TESC: variants seen among roughly 807,000 people sequenced by gnomAD.
TESC encodes calcineurin B homologous protein 3.
TESC carries 19 observed loss-of-function variants against 31.0 expected under a neutral mutation model. The observed-to-expected ratio is 0.61, with a 90% CI of 0.43 to 0.90. The LOEUF (loss-of-function observed/expected upper bound fraction) is 0.90, where lower values mean the gene tolerates loss of function less well. Among genes scored for constraint, TESC ranks in the 40% least tolerant of loss-of-function variants. The probability of loss-of-function intolerance (pLI) is 0.00; values close to 1 mark genes in which losing one functional copy is unlikely to be tolerated. For synonymous variants in TESC, 109 were observed against 114.8 expected, an observed-to-expected ratio of 0.95 and a Z score of 0.32; for missense variants, 248 against 303.8, an observed-to-expected ratio of 0.82 and a Z score of 1.36.
intron 1 of TESC, among the ~76,000 whole-genome samples, chr12:117,084,805 AC>A (rs1238418642): frequency 2.0e-5 from 3 of 152,110 alleles, no homozygotes; most frequent in Admixed American, 1.3e-4. Flanking sequence ...TAGTCCCAGG[AC>A]CCAGATGAGG....
rs556681996 is a variant in TESC at position 117,084,940 on chromosome 12, C to T, written c.59-9600G>A. On this transcript the variant is annotated intron_variant, in intron 1 of 7. Transcript: ENST00000335209. ...TGGCCCTCTGAGCACCTCTGGTTTG[C>T]TAGGTGCTTGCTAGAGGCCAGGAAA... Among the ~76,000 whole-genome samples the T allele has an allele frequency of 5.8e-4, 88 of 152,340 alleles. 1 individual carries two copies. The highest frequency in any genetic ancestry group is 6.8e-3 in the Middle Eastern group (2 of 294).
intron 1 of TESC, among the ~76,000 whole-genome samples, chr12:117,093,309 C>T (rs1955340615): frequency 6.6e-6 from 1 of 152,254 alleles, no homozygotes; most frequent in Admixed American, 6.5e-5. Context: ...GGGGCGAGAA[C>T]GCAGTGGAGA....
At chr12:117,087,737 G>C (rs1219342980) in intron 1 of TESC, among the ~76,000 whole-genome samples, 1 of 152,208 alleles carries the variant, frequency 6.6e-6, no homozygotes, top group African/African-American at 2.4e-5. Flanking sequence ...CAGCTACTTG[G>C]GAGGCTGAGG....
At position 117,077,439 on chromosome 12, in the gene TESC, C is replaced by T. The variant is rs562046333; in HGVS notation, c.59-2099G>A. Among the ~76,000 whole-genome samples, 47 of 152,360 alleles carry T rather than the reference C, an allele frequency of 3.1e-4. No homozygotes were observed. The South Asian group carries it at 9.5e-3, about 31-fold the overall frequency. ...CACTCCTAGGTATATACACAAATAA[C>T]GCATACTTCTGTTCACCCAAGCATG... On this transcript the variant is annotated intron_variant, in intron 1 of 7. Coordinates refer to ENST00000335209, the MANE Select transcript of TESC (RefSeq NM_017899.4).
chr12:117,046,750 C>A, intron 5 of TESC, 27 bp downstream of exon 5: 2 of 1,556,566 alleles, frequency 1.3e-6, no homozygotes, highest in African/African-American at 2.7e-5. Context: ...CCAGGAGCCC[C>A]GGGCGGGCCA....
chr12:117,085,339 T>C (rs751033870), intron 1 of TESC, among the ~76,000 whole-genome samples: 11 of 152,128 alleles, frequency 7.2e-5, no homozygotes, highest in Non-Finnish European at 1.2e-4. Flanking sequence ...GAACGAGATC[T>C]GAAGTGCCCG....
chr12:117,062,746 T>C (rs1304046566), intron 2 of TESC, among the ~76,000 whole-genome samples: 1 of 152,240 alleles, frequency 6.6e-6, no homozygotes, highest in African/African-American at 2.4e-5. Flanking sequence ...TCATGCTCCA[T>C]CAATACTCGT....
At chr12:117,056,320 G>C (rs1211033672) in intron 3 of TESC, among the ~76,000 whole-genome samples, 2 of 142,212 alleles carry the variant, frequency 1.4e-5, no homozygotes, top group Admixed American at 1.4e-4. Flanking sequence ...GCCTCCCAAA[G>C]TGCTGGGATT....
intron 3 of TESC, among the ~76,000 whole-genome samples, chr12:117,050,953 T>C (rs982013677): frequency 1.3e-5 from 2 of 152,206 alleles, no homozygotes; most frequent in Admixed American, 6.5e-5. Flanking sequence ...AGCCTGGAGA[T>C]GACTCCAAAC....
rs545121484 is a variant in TESC, at chr12:117,060,546, C to T, written c.129-3660G>A. On this transcript the variant is annotated intron_variant, in intron 2 of 7. Coordinates refer to ENST00000335209, the MANE Select transcript of TESC (RefSeq NM_017899.4). ...TCAGGGTTACCAGGGAGATGATCTA[C>T]GAAATCACGATCGGATGACAATGAC... 5.3e-5 allele frequency among the ~76,000 whole-genome samples: 8 copies of T among 152,272 alleles called. No homozygotes were observed. The South Asian group carries it at 1.5e-3, about 28-fold the overall frequency.
intron 1 of TESC, among the ~76,000 whole-genome samples, chr12:117,093,640 T>C (rs1955345688): frequency 6.6e-6 from 1 of 152,208 alleles, no homozygotes; most frequent in African/African-American, 2.4e-5. Context: ...ATCTGTAAAA[T>C]GGGAAACCAA....
rs575473155 is a variant in TESC, at chr12:117,058,465, C to T, written c.129-1579G>A. On this transcript the variant is annotated intron_variant, in intron 2 of 7. Coordinates refer to ENST00000335209, the MANE Select transcript of TESC (RefSeq NM_017899.4). ...GATGAATATGTTCTAATATTGACTG[C>T]AGTGCTGGATGCAGAACTCTGTACA... 6.0e-5 allele frequency among the ~76,000 whole-genome samples: 9 copies of T among 150,484 alleles called. No homozygotes were observed. In the East Asian group the frequency reaches 1.4e-3, roughly 23 times the overall value.
chr12:117,048,980 C>T, intron 4 of TESC, 39 bp downstream of exon 4: 1 of 1,613,596 alleles, frequency 6.2e-7, no homozygotes, highest in Non-Finnish European at 8.5e-7. Flanking sequence ...AGGCTGCACC[C>T]CAGGCCAGGT....
intron 2 of TESC, among the ~76,000 whole-genome samples, chr12:117,057,892 T>G (rs1044765928): frequency 6.6e-6 from 1 of 152,072 alleles, no homozygotes; most frequent in African/African-American, 2.4e-5. Flanking sequence ...CAAGTACTGA[T>G]AGATGCTACA....
At chr12:117,057,891 A>G (rs1954748041) in intron 2 of TESC, among the ~76,000 whole-genome samples, 1 of 152,172 alleles carries the variant, frequency 6.6e-6, no homozygotes, top group Non-Finnish European at 1.5e-5. Flanking sequence ...CCAAGTACTG[A>G]TAGATGCTAC....
rs543223333 is a variant in TESC at position 117,038,936 on chromosome 12, C to CTT, written c.*195_*196dup. On this transcript the variant is annotated 3_prime_UTR_variant, in exon 8 of 8. Coordinates refer to ENST00000335209, the MANE Select transcript of TESC (RefSeq NM_017899.4). ...ACAGAGGCCACATTAATTAACAAACCTTTTTTTTTTTTTTATTGGAGATAA... is the reference window on the plus strand; with the variant it reads ...ACAGAGGCCACATTAATTAACAAACCTTTTTTTTTTTTTTTTATTGGAGATAA... The CTT allele has an allele frequency of 8.7e-4, 415 of 479,234 alleles. No homozygotes were observed. Among genetic ancestry groups the CTT allele is most frequent in the South Asian group, 2.0e-3 (54 of 27,194 alleles). 29.7% of individuals were successfully genotyped at this position (479,234 alleles called of 1,614,324 possible).
intron 2 of TESC, among the ~76,000 whole-genome samples, chr12:117,073,282 G>T (rs1247734219): frequency 6.6e-6 from 1 of 152,140 alleles, no homozygotes; most frequent in Admixed American, 6.5e-5. Flanking sequence ...TCAGACTCAG[G>T]CCCGTGACCC....
At chr12:117,087,898 G>A (rs1955240985) in intron 1 of TESC, among the ~76,000 whole-genome samples, 1 of 152,178 alleles carries the variant, frequency 6.6e-6, no homozygotes, top group Non-Finnish European at 1.5e-5. Context: ...CCAGAGGCTA[G>A]GACTCAGCCA....
chr12:117,062,372 C>A (rs547121322), intron 2 of TESC, among the ~76,000 whole-genome samples: 1 of 152,080 alleles, frequency 6.6e-6, no homozygotes, highest in African/African-American at 2.4e-5. Flanking sequence ...CAGGTACCTG[C>A]CACCATGCCC....
Sources: gnomAD v4.1 joint callset for allele counts (sites outside exome capture counted in the v4.1 genomes callset) on GRCh38, gnomAD v4.1.1 for gene constraint, MANE v1.5 for transcripts, NCBI Gene and HGNC (gene_info 2026-07-23, HGNC 2026-07-21) for gene names.